The following STRN variants were observed in gnomAD, a reference collection of about 807,000 sequenced individuals.
STRN encodes striatin, also known as protein phosphatase 2 regulatory subunit B'''alpha.
A neutral mutation model predicts 96.3 loss-of-function variants in STRN; 53 were observed. The ratio of observed to expected loss-of-function variants is 0.55; its 90% CI spans 0.44 to 0.69. STRN has a LOEUF of 0.69. STRN is among the 30% of genes least tolerant of loss of function. The pLI is 0.00. For missense variants in STRN, 987 were observed against 963.9 expected, an observed-to-expected ratio of 1.02 and a Z score of -0.32; for synonymous variants, 428 against 355.9, an observed-to-expected ratio of 1.20 and a Z score of -2.28.
chr2:36,862,974 C>T (rs755328231), intron 12 of STRN, among the ~76,000 whole-genome samples: 6 of 152,166 alleles, frequency 3.9e-5, no homozygotes, highest in Non-Finnish European at 8.8e-5. Flanking sequence ...CCGCCCGCCT[C>T]GGCCTCCCAA....
In STRN at chr2:36,851,068, T is replaced by C; in HGVS notation, c.2018A>G (p.His673Arg). The C allele has an allele frequency of 6.2e-7, 1 of 1,613,902 alleles. No individual in the cohort carries two copies. Among genetic ancestry groups the C allele is most frequent in the Non-Finnish European group, 8.5e-7 (1 of 1,179,894 alleles). The change falls in exon 16 of 18, where the codon CAT (histidine) becomes CGT (arginine). Residue 673 changes from histidine (H) to arginine (R), a missense_variant. Coordinates refer to ENST00000263918, the MANE Select transcript of STRN (RefSeq NM_003162.4). ...AGTGATGCTGATCGGAAGAGTAGGA[T>C]GACTGATGACTCTATTTATTTGGCA... ...SSCQINRVIS[H>R]PTLPISITAH...
intron 2 of STRN, among the ~76,000 whole-genome samples, chr2:36,917,538 G>GAAAAAAAAAAAAAA (rs576754026): frequency 9.0e-4 from 80 of 88,472 alleles, no homozygotes; most frequent in South Asian, 1.1e-3. Context: ...ACAAAAAAAA[G>GAAAAAAAAAAAAAA]AAAAAAAAAA....
rs530764028 is a variant in STRN at position 36,837,767 on chromosome 2, A to T, written c.*11689T>A. Reference sequence around the variant, plus strand: ...ATGTGGTCAACAGACAACTTACAAGAGTTGGAAAAAAATGTTTGCATCCAA... The same window carrying T: ...ATGTGGTCAACAGACAACTTACAAGTGTTGGAAAAAAATGTTTGCATCCAA... On this transcript the variant is annotated 3_prime_UTR_variant, in exon 18 of 18. Transcript: ENST00000263918. 3.0e-4 allele frequency among the ~76,000 whole-genome samples: 45 copies of T among 152,362 alleles called. No homozygotes were observed. In the South Asian group the frequency reaches 4.3e-3, roughly 15 times the overall value.
chr2:36,921,774 G>A (rs555250307), intron 2 of STRN, among the ~76,000 whole-genome samples: 5 of 152,150 alleles, frequency 3.3e-5, no homozygotes, highest in Admixed American at 2.6e-4. Context: ...CTTTCTGCCT[G>A]TGTTTAGAGA....
chr2:36,888,556 T>C (rs1669299413), intron 7 of STRN, among the ~76,000 whole-genome samples: 1 of 152,058 alleles, frequency 6.6e-6, no homozygotes, highest in Non-Finnish European at 1.5e-5. Flanking sequence ...GATGGCCAAT[T>C]CCCTCATCAC....
At chr2:36,892,025 AG>A (rs1404696061) in intron 7 of STRN, among the ~76,000 whole-genome samples, 1 of 152,232 alleles carries the variant, frequency 6.6e-6, no homozygotes, top group East Asian at 1.9e-4. Context: ...ACGTAAAAAA[AG>A]TTCTTCATTT....
chr2:36,861,162 T>C lies in STRN; in HGVS notation c.1639A>G (p.Asn547Asp). 6.2e-7 allele frequency: 1 copy of C among 1,614,110 alleles called. No homozygotes were observed. Among genetic ancestry groups the C allele is most frequent in the African/African-American group, 1.3e-5 (1 of 75,046 alleles). ...GAATCATAGGGGTCGATGTTGGGAT[T>C]AGTGGTATTCCAGCCCTGGATCAGT... Reference protein sequence around the residue: ...DGLIQGWNTTNPNIDPYDSYD... With the variant: ...DGLIQGWNTTDPNIDPYDSYD... The change falls in exon 13 of 18, where the codon AAT (asparagine) becomes GAT (aspartate). Residue 547 changes from asparagine to aspartate, a missense_variant. Coordinates refer to ENST00000263918, the MANE Select transcript of STRN (RefSeq NM_003162.4).
intron 3 of STRN, among the ~76,000 whole-genome samples, chr2:36,908,673 A>G (rs1016831087): frequency 2.6e-5 from 4 of 152,170 alleles, no homozygotes; most frequent in African/African-American, 4.8e-5. Flanking sequence ...TGACCCTCTA[A>G]GTAACATCTG....
chr2:36,966,263 T>G lies in STRN; in HGVS notation c.201A>C (p.Arg67Ser). 1.3e-6 allele frequency: 2 copies of G among 1,586,350 alleles called. No homozygotes were observed. Among genetic ancestry groups the G allele is most frequent in the Non-Finnish European group, 1.7e-6 (2 of 1,168,440 alleles). The change falls in exon 1 of 18, where the codon AGA (arginine) becomes AGC (serine). Residue 67 changes from arginine to serine, a missense_variant. By Grantham distance (110) the Arg-to-Ser change is moderately radical. Transcript: ENST00000263918. ...QHEWARFEVE[R>S]AQWEVERAEL... Reference sequence around the variant, plus strand: ...CCGCCCGCTCCACCTCCCACTGGGCTCTCTCCACCTCGAAGCGGGCCCACT... The same window carrying G: ...CCGCCCGCTCCACCTCCCACTGGGCGCTCTCCACCTCGAAGCGGGCCCACT...
At chr2:36,876,808 C>T (rs1403719178) in intron 10 of STRN, among the ~76,000 whole-genome samples, 1 of 151,082 alleles carries the variant, frequency 6.6e-6, no homozygotes. Context: ...AGTACAGTGG[C>T]GAGATCTTGG....
intron 7 of STRN, among the ~76,000 whole-genome samples, chr2:36,892,367 T>C (rs1310380729): frequency 2.0e-5 from 3 of 151,990 alleles, no homozygotes; most frequent in Admixed American, 6.6e-5. Context: ...AACTGCATCA[T>C]CACGCAATAT....
chr2:36,884,136 C>T, intron 8 of STRN, 61 bp from the exon 9 acceptor site: 4 of 1,275,460 alleles, frequency 3.1e-6, no homozygotes, highest in Non-Finnish European at 4.0e-6. Flanking sequence ...TATCCAATTG[C>T]ATCAAAATGG....
chr2:36,932,290 G>C (rs1236283617), intron 1 of STRN, among the ~76,000 whole-genome samples: 2 of 151,944 alleles, frequency 1.3e-5, no homozygotes, highest in Non-Finnish European at 2.9e-5. Flanking sequence ...GAGTAGCTGG[G>C]ATTACAGGCA....
chr2:36,934,772 G>A (rs1182248920), intron 1 of STRN, among the ~76,000 whole-genome samples: 2 of 152,042 alleles, frequency 1.3e-5, no homozygotes, highest in Non-Finnish European at 2.9e-5. Flanking sequence ...CACATCCTAT[G>A]TTCCAATCAA....
At chr2:36,895,465 T>C (rs768229552) in intron 6 of STRN, among the ~76,000 whole-genome samples, 4 of 152,174 alleles carry the variant, frequency 2.6e-5, no homozygotes, top group African/African-American at 4.8e-5. Flanking sequence ...ATCTACCATC[T>C]AGCAAATCTA....
rs1032831819 is a variant in STRN, at chr2:36,841,674, C to A, written c.*7782G>T. The A allele has an allele frequency of 2.0e-5, 3 of 152,280 alleles. No homozygotes were observed. In the South Asian group the frequency reaches 6.2e-4, roughly 32 times the overall value. The allele number at this position is 152,280 out of a possible 1,614,324, so 9.4% of individuals were successfully genotyped here. On this transcript the variant is annotated 3_prime_UTR_variant, in exon 18 of 18. Coordinates refer to ENST00000263918, the MANE Select transcript of STRN (RefSeq NM_003162.4). Reference sequence around the variant, plus strand: ...TATTTCTTACATGCCTGGTCTTCATCCTGACATATGCAGATGACACAAAAT... The same window carrying A: ...TATTTCTTACATGCCTGGTCTTCATACTGACATATGCAGATGACACAAAAT...
intron 13 of STRN, among the ~76,000 whole-genome samples, chr2:36,860,417 G>GA (rs1384739798): frequency 6.6e-6 from 1 of 152,006 alleles, no homozygotes; most frequent in Non-Finnish European, 1.5e-5. Flanking sequence ...TAAATGCTGG[G>GA]AAAAATTTTT....
At position 36,842,558 on chromosome 2, in the gene STRN, G is replaced by C. The variant is rs2148111990; in HGVS notation, c.*6898C>G. 2 of 152,226 alleles carry C rather than the reference G, an allele frequency of 1.3e-5. No homozygotes were observed. The highest frequency in any genetic ancestry group is 3.4e-3 in the Middle Eastern group (1 of 294). The allele number at this position is 152,226 out of a possible 1,614,324, so 9.4% of individuals were successfully genotyped here. Reference sequence around the variant, plus strand: ...GGACAAGATACTTTTCTATGAAATAGGTCCTTCCTATCAGTAGGTTATTGC... The same window carrying C: ...GGACAAGATACTTTTCTATGAAATACGTCCTTCCTATCAGTAGGTTATTGC... On this transcript the variant is annotated 3_prime_UTR_variant, in exon 18 of 18. Coordinates refer to ENST00000263918, the MANE Select transcript of STRN (RefSeq NM_003162.4).
intron 6 of STRN, among the ~76,000 whole-genome samples, chr2:36,899,019 C>T (rs2148195228): frequency 6.6e-6 from 1 of 152,196 alleles, no homozygotes; most frequent in East Asian, 1.9e-4. Context: ...CAAGAACCTG[C>T]CATGGGAAAG....
Sources: gnomAD v4.1 joint callset for allele counts (sites outside exome capture counted in the v4.1 genomes callset) on GRCh38, gnomAD v4.1.1 for gene constraint, MANE v1.5 for transcripts, NCBI Gene and HGNC (gene_info 2026-07-23, HGNC 2026-07-21) for gene names.